The following RTTN variants were observed in gnomAD, a reference collection of about 807,000 sequenced individuals.
The protein encoded by RTTN is rotatin.
RTTN carries 182 observed loss-of-function variants against 269.2 expected under a neutral mutation model. The observed-to-expected ratio is 0.68, with a 90% confidence interval of 0.60 to 0.76. The LOEUF (loss-of-function observed/expected upper bound fraction) is 0.76. RTTN is among the 30% of genes least tolerant of loss of function. The pLI is 0.00. For synonymous variants in RTTN, 1,006 were observed against 963.5 expected (o/e 1.04, Z -0.82); for missense variants, 2,545 against 2,608.6 (o/e 0.98, Z 0.53).
chr18:70,182,659 T>C (rs2061446503), intron 10 of RTTN, among the ~76,000 whole-genome samples: 1 of 152,214 alleles, frequency 6.6e-6, no homozygotes, highest in Non-Finnish European at 1.5e-5. Context: ...TTATGATATT[T>C]TGAAATGTTA....
At chr18:70,057,982 T>C in intron 36 of RTTN, 150 bp from the exon 37 acceptor site, 3 of 571,746 alleles carry the variant, frequency 5.2e-6, no homozygotes, top group Non-Finnish European at 3.0e-6. Context: ...TAAAAAGATA[T>C]CTCAAAGAAT....
In RTTN at chr18:70,012,537, G is replaced by A. The variant is rs1430124037; in HGVS notation, c.6421+4870C>T. On this transcript the variant is annotated intron_variant, in intron 46 of 48. Transcript: ENST00000640769. ...TACAGGGCAGCGTCTGCTCACTGGT[G>A]TTAGATAGAGGGCAGCGTCTGCTCA... Among the ~76,000 whole-genome samples, 353 of 93,968 alleles carry A rather than the reference G, an allele frequency of 3.8e-3. No homozygotes were observed. In the Middle Eastern group the frequency reaches 0.073, roughly 19 times the overall value. 61.6% of individuals were successfully genotyped at this position (93,968 alleles called of 152,430 possible).
intron 34 of RTTN, among the ~76,000 whole-genome samples, chr18:70,066,439 ACAT>A (rs2058136839): frequency 6.6e-6 from 1 of 152,204 alleles, no homozygotes. Flanking sequence ...TCAGAATACA[ACAT>A]TAAATATAAC....
intron 48 of RTTN, among the ~76,000 whole-genome samples, chr18:70,004,606 C>T (rs2056123740): frequency 6.6e-6 from 1 of 151,432 alleles, no homozygotes; most frequent in African/African-American, 2.4e-5. Context: ...CAAACTAAAA[C>T]CTCCCCTGCT....
Position 70,201,969 on chromosome 18 carries a change from G to A in RTTN, c.412C>T (p.Pro138Ser), listed in dbSNP as rs768954830. ...GGAAAATATCCTGTTAAGATTTCAG[G>A]GTTTTTTGACAATTCTGAAAAGGAA... is the stretch of plus-strand genomic sequence containing the variant. ...QTNQTELSKNPEILTGYFPQD... is the reference protein window; with the variant it reads ...QTNQTELSKNSEILTGYFPQD... The change falls in exon 4 of 49, where the codon CCT becomes TCT. Residue 138 changes from proline to serine, a missense_variant. Physicochemically the swap from Pro to Ser is moderately conservative, Grantham distance 74 (BLOSUM62 -1). Coordinates refer to ENST00000640769, the MANE Select transcript of RTTN (RefSeq NM_173630.4). 1 of 1,603,458 alleles carries A rather than the reference G, an allele frequency of 6.2e-7. No individual in the cohort carries two copies. The highest frequency in any genetic ancestry group is 8.5e-7 in the Non-Finnish European group (1 of 1,171,506).
intron 32 of RTTN, among the ~76,000 whole-genome samples, chr18:70,078,924 G>C (rs2058494002): frequency 6.6e-6 from 1 of 152,116 alleles, no homozygotes; most frequent in African/African-American, 2.4e-5. Context: ...AAGATATGAT[G>C]CATGGGTGAC....
In RTTN at chr18:70,128,448, G is replaced by GACA; in HGVS notation, c.3050_3052dup (p.Val1017_Ser1018insLeu). ...GTTCCAAGCTATTCTCAGCATATCTGACACCGGCTTCAAGGCCAAACAATC... is the reference window on the plus strand; with the variant it reads ...GTTCCAAGCTATTCTCAGCATATCTGACAACACCGGCTTCAAGGCCAAACAATC... On this transcript the variant is annotated inframe_insertion, in exon 24 of 49. Transcript: ENST00000640769. 6.2e-7 allele frequency: 1 copy of GACA among 1,613,356 alleles called. No homozygotes were observed. The highest frequency in any genetic ancestry group is 8.5e-7 in the Non-Finnish European group (1 of 1,179,586).
chr18:70,131,677 T>C (rs1009004700), intron 23 of RTTN: 1 of 151,594 alleles, frequency 6.6e-6, no homozygotes, highest in Non-Finnish European at 1.5e-5. Flanking sequence ...TCCCAATCGC[T>C]ACAAATAAAT....
At chr18:70,032,951 C>CA (rs2057060499) in intron 40 of RTTN, among the ~76,000 whole-genome samples, 1 of 152,110 alleles carries the variant, frequency 6.6e-6, no homozygotes, top group Non-Finnish European at 1.5e-5. Flanking sequence ...TCCGCAAATT[C>CA]AAAAAAATCA....
intron 40 of RTTN, among the ~76,000 whole-genome samples, chr18:70,042,002 T>A (rs951525485): frequency 5.3e-5 from 8 of 150,598 alleles, no homozygotes; most frequent in Admixed American, 4.6e-4. Context: ...CTGCTTTGAG[T>A]TTCCCAGTCT....
intron 13 of RTTN, 183 bp downstream of exon 13, chr18:70,166,736 T>C: frequency 2.1e-6 from 1 of 465,742 alleles, no homozygotes; most frequent in South Asian, 4.2e-5. Context: ...ATCTTGAATA[T>C]AACAGTTAAG....
At chr18:70,165,159 CTG>C (rs1389490938) in intron 14 of RTTN, among the ~76,000 whole-genome samples, 1 of 152,046 alleles carries the variant, frequency 6.6e-6, no homozygotes, top group Non-Finnish European at 1.5e-5. Flanking sequence ...AAAAAGGAGA[CTG>C]AACCTAAATA....
intron 34 of RTTN, among the ~76,000 whole-genome samples, chr18:70,068,342 C>T (rs1414672542): frequency 2.6e-5 from 4 of 152,182 alleles, no homozygotes; most frequent in African/African-American, 4.8e-5. Context: ...ACCTAGTCCA[C>T]GTCCTCATTT....
At chr18:70,180,742 G>T (rs1029071473) in intron 10 of RTTN, among the ~76,000 whole-genome samples, 1 of 152,168 alleles carries the variant, frequency 6.6e-6, no homozygotes, top group Non-Finnish European at 1.5e-5. Flanking sequence ...GGAGTTTGCA[G>T]GGTCATGATA....
intron 28 of RTTN, among the ~76,000 whole-genome samples, chr18:70,100,192 T>C (rs143450203): frequency 0.012 from 1,883 of 152,362 alleles, 23 homozygotes; most frequent in South Asian, 0.038. Context: ...TTTCATGATA[T>C]TGATTCTTCC....
At chr18:70,122,257 TA>T (rs113448534) in intron 25 of RTTN, among the ~76,000 whole-genome samples, 2,707 of 146,180 alleles carry the variant, frequency 0.019, 31 homozygotes, top group South Asian at 0.039. Context: ...AAGATTTCTT[TA>T]AAAAAAAAAA....
At chr18:70,049,657 C>T (rs778632236) in intron 39 of RTTN, among the ~76,000 whole-genome samples, 2 of 152,010 alleles carry the variant, frequency 1.3e-5, no homozygotes, top group African/African-American at 4.8e-5. Flanking sequence ...ATTTTGAGTA[C>T]ATTTAAGTAG....
chr18:70,177,958 G>T (rs1472080729), intron 10 of RTTN, among the ~76,000 whole-genome samples: 2 of 152,068 alleles, frequency 1.3e-5, no homozygotes, highest in Admixed American at 1.3e-4. Flanking sequence ...CTGAAAGCAG[G>T]GTCTCCAAAA....
At chr18:70,166,262 G>A (rs1235680644) in intron 13 of RTTN, 74 bp from the exon 14 acceptor site, 1 of 1,483,144 alleles carries the variant, frequency 6.7e-7, no homozygotes, top group Non-Finnish European at 9.3e-7. Flanking sequence ...AAGCATACTG[G>A]AAGGGATTTC....
Sources: allele counts gnomAD v4.1 joint callset (sites outside exome capture counted in the v4.1 genomes callset), GRCh38; gene constraint gnomAD v4.1.1; transcripts MANE v1.5; gene names NCBI Gene and HGNC (gene_info 2026-07-23, HGNC 2026-07-21).